The following ADAMTS12 variants were observed in gnomAD, a reference collection of about 807,000 sequenced individuals.
ADAMTS12 encodes the protein ADAM metallopeptidase with thrombospondin type 1 motif 12, also known as A disintegrin and metalloproteinase with thrombospondin motifs 12.
ADAMTS12 carries 118 observed loss-of-function variants against 167.8 expected under a neutral mutation model. The observed-to-expected ratio is 0.70, with a 90% CI of 0.61 to 0.82. The LOEUF (loss-of-function observed/expected upper bound fraction) is 0.82. Ranked by LOEUF, ADAMTS12 falls within the 40% of genes least tolerant of loss-of-function variation. ADAMTS12 has a pLI of 0.00. For synonymous variants in ADAMTS12, 704 were observed against 716.9 expected (o/e 0.98, Z 0.29); for missense variants, 1,916 against 1,998.8 (o/e 0.96, Z 0.79).
intron 16 of ADAMTS12, among the ~76,000 whole-genome samples, chr5:33,596,269 G>A (rs1737866660): frequency 6.6e-6 from 1 of 152,166 alleles, no homozygotes; most frequent in Non-Finnish European, 1.5e-5. Flanking sequence ...AGGAGAGCTT[G>A]CCTAGGAAAA....
intron 19 of ADAMTS12, among the ~76,000 whole-genome samples, chr5:33,574,494 A>G (rs1011806143): frequency 6.6e-6 from 1 of 151,956 alleles, no homozygotes; most frequent in African/African-American, 2.4e-5. Flanking sequence ...AACTATCACA[A>G]GGACAAAAAA....
intron 2 of ADAMTS12, among the ~76,000 whole-genome samples, chr5:33,791,199 T>C (rs1746554832): frequency 1.3e-5 from 2 of 152,142 alleles, no homozygotes; most frequent in African/African-American, 2.4e-5. Context: ...AGATGTCTGG[T>C]AGTTATTGAG....
At chr5:33,757,252 C>G (rs541050998) in intron 2 of ADAMTS12, among the ~76,000 whole-genome samples, 1 of 152,166 alleles carries the variant, frequency 6.6e-6, no homozygotes, top group East Asian at 1.9e-4. Flanking sequence ...TGGGAACACC[C>G]GTGCACTGCA....
chr5:33,609,001 A>G (rs927597746), intron 16 of ADAMTS12, among the ~76,000 whole-genome samples: 1 of 152,188 alleles, frequency 6.6e-6, no homozygotes, highest in African/African-American at 2.4e-5. Context: ...CCTCCCCCAT[A>G]CAGATATTGT....
At chr5:33,879,974 C>T (rs951660592) in intron 2 of ADAMTS12, among the ~76,000 whole-genome samples, 17 of 152,192 alleles carry the variant, frequency 1.1e-4, no homozygotes, top group Admixed American at 6.5e-4. Context: ...AGGCCAAAAA[C>T]ACGGACTCCT....
chr5:33,645,010 G>A (rs558722762), intron 9 of ADAMTS12, among the ~76,000 whole-genome samples: 268 of 152,170 alleles, frequency 1.8e-3, no homozygotes, highest in Admixed American at 4.8e-3. Context: ...GATTACAGGC[G>A]TAAGCCACCG....
chr5:33,707,125 C>T (rs555282066), intron 3 of ADAMTS12, among the ~76,000 whole-genome samples: 32 of 151,988 alleles, frequency 2.1e-4, no homozygotes, highest in Non-Finnish European at 4.0e-4. Flanking sequence ...ACAAAATCAA[C>T]GTGCAAAAAT....
intron 3 of ADAMTS12, among the ~76,000 whole-genome samples, chr5:33,709,060 T>C (rs1218964625): frequency 6.6e-6 from 1 of 152,110 alleles, no homozygotes; most frequent in African/African-American, 2.4e-5. Context: ...ATGAAGACAC[T>C]TCTCAAAAGA....
At chr5:33,566,651 A>G (rs1355026728) in intron 19 of ADAMTS12, among the ~76,000 whole-genome samples, 1 of 152,132 alleles carries the variant, frequency 6.6e-6, no homozygotes, top group East Asian at 1.9e-4. Context: ...TAACCTCCCA[A>G]TAGGTCAAAA....
chr5:33,549,341 G>T lies in ADAMTS12; in HGVS notation c.4168C>A (p.Gln1390Lys). 1 of 1,614,174 alleles carries T rather than the reference G, an allele frequency of 6.2e-7. No homozygotes were observed. Among genetic ancestry groups the T allele is most frequent in the Non-Finnish European group, 8.5e-7 (1 of 1,180,012 alleles). Residue 1390 changes from glutamine to lysine, a missense_variant, in exon 21 of 24, where the codon CAG becomes AAG. By Grantham distance (53) the Gln-to-Lys change is moderately conservative. Coordinates refer to ENST00000504830, the MANE Select transcript of ADAMTS12 (RefSeq NM_030955.4). ...CSGGFKIREI[Q>K]CVDSRDHRNL... ...CGGTGGTCCCGGCTGTCCACGCACT[G>T]AATCTCGCGTATCTTGAAGCCCCCA...
At chr5:33,852,076 G>A (rs906784933) in intron 2 of ADAMTS12, among the ~76,000 whole-genome samples, 11 of 152,106 alleles carry the variant, frequency 7.2e-5, no homozygotes, top group African/African-American at 2.7e-4. Context: ...TTAACCTCCT[G>A]TGTTTCTTCT....
At chr5:33,769,267 C>T (rs774748310) in intron 2 of ADAMTS12, among the ~76,000 whole-genome samples, 51 of 152,230 alleles carry the variant, frequency 3.4e-4, no homozygotes, top group Middle Eastern at 3.4e-3. Flanking sequence ...CCATTTCAAG[C>T]TACTGATTTC....
chr5:33,821,744 C>A (rs1747877864), intron 2 of ADAMTS12, among the ~76,000 whole-genome samples: 1 of 152,138 alleles, frequency 6.6e-6, no homozygotes, highest in African/African-American at 2.4e-5. Context: ...ACATTTTTAT[C>A]AAATACATGA....
chr5:33,544,602 C>T (rs926824885), intron 22 of ADAMTS12, among the ~76,000 whole-genome samples: 26 of 152,280 alleles, frequency 1.7e-4, no homozygotes, highest in African/African-American at 5.8e-4. Flanking sequence ...TACTACCTGA[C>T]TTCAAATTAT....
chr5:33,759,981 T>G (rs1745290207), intron 2 of ADAMTS12, among the ~76,000 whole-genome samples: 1 of 152,132 alleles, frequency 6.6e-6, no homozygotes, highest in Admixed American at 6.5e-5. Flanking sequence ...TGCAAAAGAA[T>G]CATATGGAGA....
chr5:33,632,854 G>C (rs898824140), intron 12 of ADAMTS12, among the ~76,000 whole-genome samples: 4 of 152,290 alleles, frequency 2.6e-5, no homozygotes, highest in Admixed American at 1.3e-4. Flanking sequence ...GGAATCATCT[G>C]TTTCAAGGCT....
intron 3 of ADAMTS12, among the ~76,000 whole-genome samples, chr5:33,740,267 T>C (rs78763878): frequency 0.018 from 2,753 of 152,318 alleles, 84 homozygotes; most frequent in African/African-American, 0.064. Context: ...TTTTCATCTA[T>C]AGCAAATAAT....
intron 3 of ADAMTS12, among the ~76,000 whole-genome samples, chr5:33,726,951 G>T (rs930907839): frequency 6.6e-6 from 1 of 150,858 alleles, no homozygotes; most frequent in Non-Finnish European, 1.5e-5. Context: ...TCCTGGGCTT[G>T]GATCTAAGCC....
At chr5:33,796,657 T>G (rs1328144012) in intron 2 of ADAMTS12, among the ~76,000 whole-genome samples, 1 of 152,148 alleles carries the variant, frequency 6.6e-6, no homozygotes, top group Non-Finnish European at 1.5e-5. Context: ...GCCAGACCAT[T>G]TACATACCAG....
Sources: allele counts gnomAD v4.1 joint callset (sites outside exome capture counted in the v4.1 genomes callset), GRCh38; gene constraint gnomAD v4.1.1; transcripts MANE v1.5; gene names NCBI Gene and HGNC (gene_info 2026-07-23, HGNC 2026-07-21).